The following ASXL1 variants were observed in gnomAD, a reference collection of about 807,000 sequenced individuals.
The protein encoded by ASXL1 is ASXL transcriptional regulator 1, also known as polycomb group protein ASXL1.
ASXL1 carries 65 observed loss-of-function variants against 89.1 expected under a neutral mutation model. That is an observed-to-expected ratio of 0.73 (90% CI 0.60 to 0.90). ASXL1 has a LOEUF of 0.90. ASXL1 is among the 40% of genes least tolerant of loss of function. The probability of loss-of-function intolerance (pLI) is 0.00; values close to 1 mark genes in which losing one functional copy is unlikely to be tolerated. For missense variants in ASXL1, 1,786 were observed against 1,942.9 expected, an observed-to-expected ratio of 0.92 and a Z score of 1.52; for synonymous variants, 739 against 746.9, an observed-to-expected ratio of 0.99 and a Z score of 0.17.
chr20:32,401,550 TCC>T (rs71187117), intron 4 of ASXL1, among the ~76,000 whole-genome samples: 92,082 of 129,840 alleles, frequency 0.71, 34,795 homozygotes, highest in South Asian at 0.91. Context: ...GTGTGTTTTT[TCC>T]CCCCCCCCCT....
intron 2 of ASXL1, among the ~76,000 whole-genome samples, chr20:32,367,442 A>C (rs2048224822): frequency 6.6e-6 from 1 of 152,222 alleles, no homozygotes; most frequent in Non-Finnish European, 1.5e-5. Flanking sequence ...AGAGCACTAC[A>C]CAGTCCTTGC....
In ASXL1 at chr20:32,433,735, G is replaced by T. The variant is rs763708711; in HGVS notation, c.1537G>T (p.Glu513Ter). 6.2e-7 allele frequency: 1 copy of T among 1,613,670 alleles called. No individual in the cohort carries two copies. The highest frequency in any genetic ancestry group is 8.5e-7 in the Non-Finnish European group (1 of 1,179,744). ...AGACAGAATTCCTAGCCTGCCTCAG[G>T]AAACTGTGGATCAGGAACCCAAGGA... The part of the protein sequence containing the change: ...SPDRIPSLPQ[E>*]TVDQEPKDQK... Residue 513 changes from glutamate (E) to a stop codon, truncating the protein, a stop_gained, in exon 12 of 13, where the codon GAA becomes TAA. Transcript: ENST00000375687. LOFTEE classifies it high-confidence loss of function.
chr20:32,428,228 C>G lies in ASXL1; in HGVS notation c.353C>G (p.Thr118Ser), dbSNP rs778679424. The part of the protein sequence containing the change: ...VESCGSNEAS[T>S]VSGENDVSLD... ...AGCTGTGGGTCTAATGAAGCCAGCA[C>G]TGTGAGTGGTGAAAACGATGGTAAG... The change falls in exon 5 of 13, where the codon ACT becomes AGT. Residue 118 changes from threonine (T) to serine (S), a missense_variant. Thr to Ser is a moderately conservative substitution (Grantham distance 58). Coordinates refer to ENST00000375687, the MANE Select transcript of ASXL1 (RefSeq NM_015338.6). 1.2e-6 allele frequency: 2 copies of G among 1,614,172 alleles called. No homozygotes were observed. The highest frequency in any genetic ancestry group is 2.2e-5 in the South Asian group (2 of 91,090).
At chr20:32,396,856 A>G (rs1186019131) in intron 4 of ASXL1, among the ~76,000 whole-genome samples, 2 of 152,072 alleles carry the variant, frequency 1.3e-5, no homozygotes, top group Non-Finnish European at 2.9e-5. Context: ...AGCATTTTTT[A>G]TGTGTTCATT....
At chr20:32,415,163 C>A (rs2049116802) in intron 4 of ASXL1, among the ~76,000 whole-genome samples, 1 of 152,104 alleles carries the variant, frequency 6.6e-6, no homozygotes, top group Non-Finnish European at 1.5e-5. Context: ...TGCCCGCCAT[C>A]ACCCCTGGCT....
chr20:32,429,746 A>G lies in ASXL1; in HGVS notation c.566-155A>G, dbSNP rs1335685678. 4 of 1,077,972 alleles carry G rather than the reference A, an allele frequency of 3.7e-6. No homozygotes were observed. Among genetic ancestry groups the G allele is most frequent in the Non-Finnish European group, 1.3e-6 (1 of 752,030 alleles). 66.8% of individuals were successfully genotyped at this position (1,077,972 alleles called of 1,614,324 possible). On this transcript the variant is annotated intron_variant, in intron 7 of 12. Coordinates refer to ENST00000375687, the MANE Select transcript of ASXL1 (RefSeq NM_015338.6). The surrounding 1 kb of genome is among the most constrained non-coding windows in gnomAD (Gnocchi z 4.9). The stretch of plus-strand genomic sequence containing the variant: ...TAAGGTGATATTTTAAAGCCAGACC[A>G]TGAAGTGGTGGTTTCTCTCAGCCTA...
At position 32,435,021 on chromosome 20, in the gene ASXL1, C is replaced by A. The variant is rs776235263; in HGVS notation, c.2309C>A (p.Ser770Ter). The A allele has an allele frequency of 6.2e-7, 1 of 1,614,182 alleles. No individual in the cohort carries two copies. Among genetic ancestry groups the A allele is most frequent in the Non-Finnish European group, 8.5e-7 (1 of 1,180,040 alleles). The change falls in exon 13 of 13, where the codon TCA becomes TAA. Residue 770 changes from serine to a stop codon, truncating the protein, a stop_gained. Coordinates refer to ENST00000375687, the MANE Select transcript of ASXL1 (RefSeq NM_015338.6). LOFTEE classifies it low-confidence loss of function (END_TRUNC). ...QALPLLSSQTSVAERLVEQPQ... is the reference protein window; with the variant it reads ...QALPLLSSQT The stretch of plus-strand genomic sequence containing the variant: ...TTGCCCCTACTGTCCTCCCAAACCT[C>A]AGTAGCTGAGAGATTAGTGGAGCAG...
intron 4 of ASXL1, among the ~76,000 whole-genome samples, chr20:32,389,342 A>G (rs981649699): frequency 2.0e-5 from 3 of 152,088 alleles, no homozygotes; most frequent in Admixed American, 6.6e-5. Context: ...AACGTGCCAT[A>G]TGATTTACCT....
intron 1 of ASXL1, among the ~76,000 whole-genome samples, chr20:32,365,734 G>GT (rs1369308734): frequency 1.5e-4 from 23 of 152,180 alleles, no homozygotes; most frequent in Admixed American, 1.5e-3. Flanking sequence ...GGGATATTCT[G>GT]TTTCTCATTG....
Position 32,436,619 on chromosome 20 carries a change from A to C in ASXL1, c.3907A>C (p.Lys1303Gln). 2 of 1,614,148 alleles carry C rather than the reference A, an allele frequency of 1.2e-6. No homozygotes were observed. The highest frequency in any genetic ancestry group is 1.7e-6 in the Non-Finnish European group (2 of 1,180,024). The change falls in exon 13 of 13, where the codon AAG becomes CAG. Residue 1303 changes from lysine (K) to glutamine (Q), a missense_variant. By Grantham distance (53) the Lys-to-Gln change is moderately conservative. Coordinates refer to ENST00000375687, the MANE Select transcript of ASXL1 (RefSeq NM_015338.6). ...GAGCAATGTTACAGGCCAAGGGAAG[A>C]AGCTTTTTGGCTCTGGGAATGTGGC... is the stretch of plus-strand genomic sequence containing the variant. The part of the protein sequence containing the change: ...DQSNVTGQGK[K>Q]LFGSGNVAAT...
rs1285319437 is a variant in ASXL1 at position 32,435,171 on chromosome 20, A to T, written c.2459A>T (p.Asp820Val). The change falls in exon 13 of 13, where the codon GAT (aspartate) becomes GTT (valine). Residue 820 changes from aspartate to valine, a missense_variant. Asp to Val is a radical substitution (Grantham distance 152). Coordinates refer to ENST00000375687, the MANE Select transcript of ASXL1 (RefSeq NM_015338.6). ...DNGPIPSLVG[D>V]DTLEKGTGQA... is the part of the protein sequence containing the mutation. ...GGTCCCATTCCGTCTCTAGTGGGAGATGATACATTAGAGAAAGGAACTGGC... is the reference window on the plus strand; with the variant it reads ...GGTCCCATTCCGTCTCTAGTGGGAGTTGATACATTAGAGAAAGGAACTGGC... 6.2e-7 allele frequency: 1 copy of T among 1,613,852 alleles called. No homozygotes were observed. Among genetic ancestry groups the T allele is most frequent in the Non-Finnish European group, 8.5e-7 (1 of 1,180,016 alleles).
intron 1 of ASXL1, among the ~76,000 whole-genome samples, chr20:32,365,281 GA>G (rs1455984277): frequency 1.3e-5 from 2 of 152,276 alleles, no homozygotes; most frequent in South Asian, 4.1e-4. Context: ...ATGGAGAATG[GA>G]AAATCTGAAA....
At chr20:32,433,172 C>T in intron 11 of ASXL1, 112 bp from the exon 12 acceptor site, 11 of 1,556,454 alleles carry the variant, frequency 7.1e-6, no homozygotes, top group Non-Finnish European at 9.6e-6. Context: ...TTGTGCACCA[C>T]ACAGATTTAT....
intron 4 of ASXL1, among the ~76,000 whole-genome samples, chr20:32,396,711 G>C (rs143299004): frequency 6.6e-6 from 1 of 152,200 alleles, no homozygotes; most frequent in Admixed American, 6.5e-5. Context: ...GCTTTTCAGT[G>C]CCTACAGCAG....
At chr20:32,375,753 G>T (rs2048367926) in intron 4 of ASXL1, among the ~76,000 whole-genome samples, 1 of 152,034 alleles carries the variant, frequency 6.6e-6, no homozygotes, top group East Asian at 1.9e-4. Flanking sequence ...CATGATCACG[G>T]CTTACTGCAA....
intron 4 of ASXL1, among the ~76,000 whole-genome samples, chr20:32,419,683 CTTTT>C (rs1284686802): frequency 7.4e-6 from 1 of 135,570 alleles, no homozygotes. Flanking sequence ...GATATATTTT[CTTTT>C]TTTTTTTTTT....
chr20:32,421,866 C>CTTTTTTT (rs71299232), intron 4 of ASXL1, among the ~76,000 whole-genome samples: 22 of 105,244 alleles, frequency 2.1e-4, no homozygotes, highest in East Asian at 5.7e-4. Flanking sequence ...GGTTTCTTTT[C>CTTTTTTT]TTTTTTTTTT....
chr20:32,362,076 AAAG>A (rs2048122414), intron 1 of ASXL1, among the ~76,000 whole-genome samples: 1 of 152,160 alleles, frequency 6.6e-6, no homozygotes, highest in Admixed American at 6.5e-5. Flanking sequence ...AAACAAAACA[AAAG>A]AAAAAACCAG....
rs2011469389 is a variant in ASXL1, at chr20:32,429,978, G to A, written c.643G>A (p.Ala215Thr). Residue 215 changes from alanine (A) to threonine (T), a missense_variant, in exon 8 of 13, where the codon GCT becomes ACT. Transcript: ENST00000375687. The surrounding 1 kb of genome is among the most constrained non-coding windows in gnomAD (Gnocchi z 4.9). Reference protein sequence around the residue: ...SSSGSLALGSAAIRGQAEVTQ... With the variant: ...SSSGSLALGSTAIRGQAEVTQ... ...CAGCGGCTCTCTGGCCCTGGGCAGC[G>A]CTGCTATTCGTGGCCAGGCCGAGGT... 9 of 1,608,858 alleles carry A rather than the reference G, an allele frequency of 5.6e-6. No individual in the cohort carries two copies. The highest frequency in any genetic ancestry group is 1.7e-4 in the Middle Eastern group (1 of 5,850).
Sources: allele counts gnomAD v4.1 joint callset (sites outside exome capture counted in the v4.1 genomes callset), GRCh38; gene constraint gnomAD v4.1.1; non-coding constraint Gnocchi (gnomAD v3.1); transcripts MANE v1.5; gene names NCBI Gene and HGNC (gene_info 2026-07-23, HGNC 2026-07-21).